EXOC6B: variants seen among roughly 807,000 people sequenced by gnomAD.
EXOC6B encodes SEC15 homolog B.
Under a neutral mutation model 113.5 loss-of-function variants are expected in EXOC6B, and 54 were observed. That is an observed-to-expected ratio of 0.48 (90% CI 0.38 to 0.60). The LOEUF is 0.60. Among genes scored for constraint, EXOC6B ranks in the 20% least tolerant of loss-of-function variants. The pLI is 0.00. For missense variants in EXOC6B, 797 were observed against 977.5 expected, an observed-to-expected ratio of 0.82 and a Z score of 2.46; for synonymous variants, 357 against 339.0, an observed-to-expected ratio of 1.05 and a Z score of -0.58.
At chr2:72,313,594 G>GA (rs1687338186) in intron 20 of EXOC6B, among the ~76,000 whole-genome samples, 1 of 151,894 alleles carries the variant, frequency 6.6e-6, no homozygotes, top group Admixed American at 6.6e-5. Flanking sequence ...GAGAAAGTAG[G>GA]AAAAAAAGTT....
intron 11 of EXOC6B, among the ~76,000 whole-genome samples, chr2:72,510,176 C>T (rs745635061): frequency 7.9e-5 from 12 of 151,996 alleles, no homozygotes; most frequent in Non-Finnish European, 1.3e-4. Context: ...AAATAAGATA[C>T]AATTTCTGAA....
chr2:72,747,309 G>A (rs922543166), intron 1 of EXOC6B, among the ~76,000 whole-genome samples: 1 of 152,032 alleles, frequency 6.6e-6, no homozygotes, highest in Admixed American at 6.6e-5. Flanking sequence ...AGGAAAATCT[G>A]GCAGTGAGGA....
chr2:72,409,983 C>CA (rs1351442803), intron 18 of EXOC6B, among the ~76,000 whole-genome samples: 1 of 152,130 alleles, frequency 6.6e-6, no homozygotes, highest in Non-Finnish European at 1.5e-5. Flanking sequence ...GTCGTTCCCC[C>CA]ACAGAGGAAG....
At chr2:72,743,304 C>G (rs1038851602) in intron 1 of EXOC6B, among the ~76,000 whole-genome samples, 2 of 152,070 alleles carry the variant, frequency 1.3e-5, no homozygotes, top group African/African-American at 4.8e-5. Context: ...CACACAGTAA[C>G]AAAAATGATC....
At chr2:72,283,394 C>T (rs1685246013) in intron 20 of EXOC6B, among the ~76,000 whole-genome samples, 1 of 152,100 alleles carries the variant, frequency 6.6e-6, no homozygotes, top group Admixed American at 6.6e-5. Context: ...ACTGCTGCCT[C>T]TCAAATTGGA....
At chr2:72,438,310 G>GAAA (rs775849981) in intron 18 of EXOC6B, among the ~76,000 whole-genome samples, 1 of 138,860 alleles carries the variant, frequency 7.2e-6, no homozygotes, top group African/African-American at 2.6e-5. Flanking sequence ...AATCTTTGTG[G>GAAA]AAAAAAAAAA....
intron 16 of EXOC6B, among the ~76,000 whole-genome samples, chr2:72,490,224 G>GA (rs1212315178): frequency 6.6e-6 from 1 of 152,074 alleles, no homozygotes; most frequent in South Asian, 2.1e-4. Context: ...TAGGTTTGGG[G>GA]AAAAAAACCT....
intron 18 of EXOC6B, among the ~76,000 whole-genome samples, chr2:72,451,654 C>CTGTG (rs141514102): frequency 0.054 from 7,680 of 142,498 alleles, 467 homozygotes; most frequent in African/African-American, 0.15. Flanking sequence ...GTCTTTGTGC[C>CTGTG]TGTGTGTGTG....
chr2:72,200,516 T>C (rs1679425633), intron 20 of EXOC6B, among the ~76,000 whole-genome samples: 1 of 152,184 alleles, frequency 6.6e-6, no homozygotes, highest in Non-Finnish European at 1.5e-5. Context: ...AGTGAAGCTA[T>C]GGTATAGAGA....
intron 20 of EXOC6B, among the ~76,000 whole-genome samples, chr2:72,202,537 G>A (rs936191953): frequency 2.0e-5 from 3 of 152,198 alleles, no homozygotes; most frequent in African/African-American, 7.2e-5. Flanking sequence ...TTGTTCTGTG[G>A]AAGCAGAGTT....
chr2:72,410,192 C>T (rs1017083273), intron 18 of EXOC6B, among the ~76,000 whole-genome samples: 1 of 152,196 alleles, frequency 6.6e-6, no homozygotes, highest in Admixed American at 6.5e-5. Context: ...CTGCCACTTG[C>T]AACCATCATT....
chr2:72,605,947 A>G (rs1226044044), intron 6 of EXOC6B, among the ~76,000 whole-genome samples: 1 of 152,128 alleles, frequency 6.6e-6, no homozygotes, highest in Non-Finnish European at 1.5e-5. Context: ...ATAACTCAGT[A>G]CCTATTTACT....
chr2:72,758,166 CAAAAAA>C (rs59339550), intron 1 of EXOC6B, among the ~76,000 whole-genome samples: 2 of 93,818 alleles, frequency 2.1e-5, no homozygotes, highest in Admixed American at 1.1e-4. Context: ...GACTCTGTCT[CAAAAAA>C]AAAAAAAAAA....
intron 18 of EXOC6B, among the ~76,000 whole-genome samples, chr2:72,411,881 C>A (rs1413167522): frequency 6.6e-6 from 1 of 151,872 alleles, no homozygotes; most frequent in African/African-American, 2.4e-5. Flanking sequence ...CAAGTAGAAT[C>A]AAAAGCTAAA....
intron 11 of EXOC6B, 75 bp downstream of exon 11, chr2:72,513,057 A>AT (rs1701029378): frequency 6.5e-6 from 10 of 1,533,976 alleles, no homozygotes; most frequent in Non-Finnish European, 8.9e-6. Flanking sequence ...ACATATGTTG[A>AT]TTTTAAAGCA....
chr2:72,256,263 C>T (rs569955920), intron 20 of EXOC6B, among the ~76,000 whole-genome samples: 54 of 152,172 alleles, frequency 3.5e-4, no homozygotes, highest in Admixed American at 1.4e-3. Context: ...GCCTCCAGAA[C>T]GGTTAGAAAT....
intron 18 of EXOC6B, among the ~76,000 whole-genome samples, chr2:72,387,346 C>T (rs948163743): frequency 5.9e-5 from 9 of 152,094 alleles, no homozygotes; most frequent in African/African-American, 2.2e-4. Flanking sequence ...ATGTTGGTCT[C>T]ATAAAATAAG....
chr2:72,809,631 G>T (rs192761413), intron 1 of EXOC6B, among the ~76,000 whole-genome samples: 2 of 151,912 alleles, frequency 1.3e-5, no homozygotes. Flanking sequence ...CAAAGTTTCG[G>T]TTTTTTGAAA....
intron 19 of EXOC6B, among the ~76,000 whole-genome samples, chr2:72,367,250 A>G (rs1690679371): frequency 6.6e-6 from 1 of 152,196 alleles, no homozygotes; most frequent in Admixed American, 6.5e-5. Context: ...AAAGATGTAT[A>G]TTGTAAATCC....
Sources: gnomAD v4.1 joint callset for allele counts (sites outside exome capture counted in the v4.1 genomes callset) on GRCh38, gnomAD v4.1.1 for gene constraint, MANE v1.5 for transcripts, NCBI Gene and HGNC (gene_info 2026-07-23, HGNC 2026-07-21) for gene names.